UBE2O: variants seen among roughly 807,000 people sequenced by gnomAD.
UBE2O encodes ubiquitin conjugating enzyme E2 O.
A neutral mutation model predicts 125.8 loss-of-function variants in UBE2O; 15 were observed. That is an observed-to-expected ratio of 0.12 (90% confidence interval 0.08 to 0.18). The LOEUF is 0.18. Among genes scored for constraint, UBE2O ranks in the 10% least tolerant of loss-of-function variants. UBE2O has a pLI of 1.00. For synonymous variants in UBE2O, 708 were observed against 703.2 expected (o/e 1.01, Z -0.11); for missense variants, 1,280 against 1,723.6 (o/e 0.74, Z 4.56).
rs1271944441 is a variant in UBE2O, at chr17:76,400,346, C to T, written c.1005-49G>A. 1 of 1,602,980 alleles carries T rather than the reference C, an allele frequency of 6.2e-7. No individual in the cohort carries two copies. The highest frequency in any genetic ancestry group is 8.5e-7 in the Non-Finnish European group (1 of 1,172,898). ...GAGCTGGGCTGGACTCCTGGGAGGC[C>T]AGCAGTGTTCTTAAGCCTCCCCAGG... On this transcript the variant is annotated intron_variant, in intron 7 of 17. Coordinates refer to ENST00000319380, the MANE Select transcript of UBE2O (RefSeq NM_022066.4). The surrounding 1 kb of genome is among the most constrained non-coding windows in gnomAD (Gnocchi z 4.3).
Position 76,453,145 on chromosome 17 carries a change from T to C in UBE2O, c.-4A>G, listed in dbSNP as rs542076053. 1.0e-5 allele frequency: 6 copies of C among 579,282 alleles called. No homozygotes were observed. Among genetic ancestry groups the C allele is most frequent in the East Asian group, 7.2e-5 (2 of 27,676 alleles). 35.9% of individuals were successfully genotyped at this position (579,282 alleles called of 1,614,324 possible). The stretch of plus-strand genomic sequence containing the variant: ...TGGGGGCTGCGGGATCCGCCATAAC[T>C]GCTCTGCGCGAGTCTCGGGCGGCGG... On this transcript the variant is annotated 5_prime_UTR_variant, in exon 1 of 18. Transcript: ENST00000319380.
rs572294664 is a variant in UBE2O at position 76,390,645 on chromosome 17, G to A, written c.*298C>T. ...GAACACCCGCCTCTGACCTGAGAAG[G>A]GGCAGCAAGGGAGCAAGTGCCGGAC... On this transcript the variant is annotated 3_prime_UTR_variant, in exon 18 of 18. Transcript: ENST00000319380. The A allele has an allele frequency of 3.0e-4, 93 of 309,350 alleles. No individual in the cohort carries two copies. Among genetic ancestry groups the A allele is most frequent in the Non-Finnish European group, 4.6e-4 (76 of 166,098 alleles). 19.2% of individuals were successfully genotyped at this position (309,350 alleles called of 1,614,324 possible).
At chr17:76,439,417 T>A (rs1020018131) in intron 1 of UBE2O, among the ~76,000 whole-genome samples, 37 of 152,282 alleles carry the variant, frequency 2.4e-4, no homozygotes, top group African/African-American at 7.7e-4. Flanking sequence ...TCAAAAATTT[T>A]CTATAACAAG....
chr17:76,422,121 C>G (rs1033218807), intron 1 of UBE2O, among the ~76,000 whole-genome samples: 39 of 152,290 alleles, frequency 2.6e-4, no homozygotes, highest in African/African-American at 9.4e-4. Flanking sequence ...AGTAATGGGA[C>G]GTGTGCTAAG....
At chr17:76,393,963 G>A (rs545132232) in intron 15 of UBE2O, among the ~76,000 whole-genome samples, 58 of 152,318 alleles carry the variant, frequency 3.8e-4, no homozygotes, top group Non-Finnish European at 6.2e-4. Context: ...GAGATGTGGG[G>A]AAAACAGAAC....
Position 76,391,478 on chromosome 17 carries a change from A to C in UBE2O, c.3344T>G (p.Leu1115Arg). The change falls in exon 18 of 18, where the codon CTG becomes CGG. Residue 1115 changes from leucine to arginine, a missense_variant. By Grantham distance (102) the Leu-to-Arg change is moderately radical. Transcript: ENST00000319380. This position sits in a 1 kb window ranked among gnomAD's most constrained non-coding sequence, Gnocchi z 8.4. ...AAAGACCTCGGGGGGCCGCCGCACC[A>C]GCTGGGTCATGGACTGCACCACGCG... ...LIRVVQSMTQ[L>R]VRRPPEVFEQ... The C allele has an allele frequency of 6.2e-7, 1 of 1,613,858 alleles. No homozygotes were observed. The highest frequency in any genetic ancestry group is 8.5e-7 in the Non-Finnish European group (1 of 1,179,998).
At chr17:76,431,709 AG>A (rs1412083405) in intron 1 of UBE2O, among the ~76,000 whole-genome samples, 1 of 152,172 alleles carries the variant, frequency 6.6e-6, no homozygotes, top group African/African-American at 2.4e-5. Context: ...TGGGAAGCCC[AG>A]CGGGGGGGAC....
At chr17:76,441,216 C>T (rs1051543533) in intron 1 of UBE2O, among the ~76,000 whole-genome samples, 3 of 152,208 alleles carry the variant, frequency 2.0e-5, no homozygotes, top group Non-Finnish European at 4.4e-5. Flanking sequence ...GGATAAAAGA[C>T]AGCAATTTCA....
Position 76,400,102 on chromosome 17 carries a change from G to A in UBE2O, c.1155+45C>T. On this transcript the variant is annotated intron_variant, in intron 8 of 17. Transcript: ENST00000319380. The surrounding 1 kb of genome is among the most constrained non-coding windows in gnomAD (Gnocchi z 4.3). ...TTCTTGGCCATGGAAATGGCTCAAG[G>A]CCAGTTCCTCAAATGCCCACCAATC... The A allele has an allele frequency of 2.5e-6, 4 of 1,594,038 alleles. No individual in the cohort carries two copies. Among genetic ancestry groups the A allele is most frequent in the Non-Finnish European group, 3.4e-6 (4 of 1,168,972 alleles).
chr17:76,407,882 C>CTAT (rs1258215838), intron 1 of UBE2O, among the ~76,000 whole-genome samples: 3 of 152,342 alleles, frequency 2.0e-5, no homozygotes, highest in African/African-American at 7.2e-5. Flanking sequence ...TCTGACCTTT[C>CTAT]TATGACAAGG....
chr17:76,392,143 G>A (rs12452388), intron 15 of UBE2O, 30 bp from the exon 16 acceptor site: 2 of 1,336,706 alleles, frequency 1.5e-6, no homozygotes, highest in Admixed American at 2.9e-5. Flanking sequence ...GGGAGGCCAA[G>A]GTTGGCAGGG....
chr17:76,398,559 G>A lies in UBE2O; in HGVS notation c.1809C>T (p.Val603=), dbSNP rs201696419. The change falls in exon 11 of 18, where the codon GTC becomes GTT. Residue 603 remains valine, a synonymous_variant. Coordinates refer to ENST00000319380, the MANE Select transcript of UBE2O (RefSeq NM_022066.4). The surrounding 1 kb of genome is among the most constrained non-coding windows in gnomAD (Gnocchi z 5.4). The stretch of plus-strand genomic sequence containing the variant: ...GGTCCCCAGACTGTACCACACCGTA[G>A]ACAGCAGGGTCTGGACAGCTCTGGA... ...KRVQSCPDPA[V]YGVVQSGDHI... is the part of the protein sequence containing the mutation. 1.3e-5 allele frequency: 21 copies of A among 1,613,964 alleles called. No individual in the cohort carries two copies. The highest frequency in any genetic ancestry group is 1.8e-5 in the Non-Finnish European group (21 of 1,180,010).
At chr17:76,432,243 C>T (rs572614841) in intron 1 of UBE2O, among the ~76,000 whole-genome samples, 7 of 152,174 alleles carry the variant, frequency 4.6e-5, no homozygotes, top group Admixed American at 1.3e-4. Flanking sequence ...GTCTTAGACC[C>T]GTCAAACTGC....
intron 1 of UBE2O, among the ~76,000 whole-genome samples, chr17:76,411,737 G>A (rs776583286): frequency 6.6e-5 from 10 of 152,134 alleles, no homozygotes; most frequent in African/African-American, 1.2e-4. Context: ...CCAGGTTGGA[G>A]GGCAGTGGCG....
intron 1 of UBE2O, among the ~76,000 whole-genome samples, chr17:76,434,862 T>C (rs2143862850): frequency 6.6e-6 from 1 of 151,692 alleles, no homozygotes; most frequent in South Asian, 2.1e-4. Flanking sequence ...AATACCTCTG[T>C]TATAGTCCTT....
chr17:76,411,651 C>T (rs1263124912), intron 1 of UBE2O, among the ~76,000 whole-genome samples: 3 of 152,250 alleles, frequency 2.0e-5, no homozygotes, highest in East Asian at 1.9e-4. Context: ...GCAACCCCAC[C>T]GCTTCTGGAG....
chr17:76,393,915 G>A (rs1421234513), intron 15 of UBE2O, among the ~76,000 whole-genome samples: 1 of 152,218 alleles, frequency 6.6e-6, no homozygotes, highest in African/African-American at 2.4e-5. Flanking sequence ...GCCACCCTGG[G>A]AGCCTCCAGG....
intron 15 of UBE2O, among the ~76,000 whole-genome samples, chr17:76,392,649 C>A (rs1235165937): frequency 1.3e-5 from 2 of 151,602 alleles, no homozygotes; most frequent in Non-Finnish European, 2.9e-5. Context: ...CCTCATAAAT[C>A]ATTACTTTAA....
At chr17:76,423,327 C>A (rs902135123) in intron 1 of UBE2O, among the ~76,000 whole-genome samples, 2 of 152,008 alleles carry the variant, frequency 1.3e-5, no homozygotes, top group African/African-American at 4.8e-5. Flanking sequence ...TGCAGTGAGC[C>A]CTGATTGTGC....
Sources: gnomAD v4.1 joint callset for allele counts (sites outside exome capture counted in the v4.1 genomes callset) on GRCh38, gnomAD v4.1.1 for gene constraint, Gnocchi (gnomAD v3.1) non-coding constraint, MANE v1.5 for transcripts, NCBI Gene and HGNC (gene_info 2026-07-23, HGNC 2026-07-21) for gene names.